PTPRK: variants seen among roughly 807,000 people sequenced by gnomAD.
PTPRK encodes receptor-type tyrosine-protein phosphatase kappa.
In PTPRK, 75 loss-of-function variants were observed where a neutral mutation model predicts 178.0. The ratio of observed to expected loss-of-function variants is 0.42; its 90% CI spans 0.35 to 0.51. The LOEUF is 0.51. Among genes scored for constraint, PTPRK ranks in the 20% least tolerant of loss-of-function variants. The pLI is 0.02. For missense variants in PTPRK, 1,441 were observed against 1,797.8 expected (o/e 0.80, Z 3.59); for synonymous variants, 637 against 620.6 (o/e 1.03, Z -0.39).
In PTPRK at chr6:128,316,113, T is replaced by C. The variant is rs563344794; in HGVS notation, c.495+5926A>G. ...CATCATTAAACTGATTAGACGGAAATGGTTCTCACATTTATCTGCCTGATC... is the reference window on the plus strand; with the variant it reads ...CATCATTAAACTGATTAGACGGAAACGGTTCTCACATTTATCTGCCTGATC... On this transcript the variant is annotated intron_variant, in intron 3 of 29. Transcript: ENST00000368226. 3.3e-5 allele frequency among the ~76,000 whole-genome samples: 5 copies of C among 152,354 alleles called. No individual in the cohort carries two copies. In the South Asian group the frequency reaches 1.0e-3, roughly 32 times the overall value.
At chr6:128,380,577 T>C (rs936815466) in intron 2 of PTPRK, among the ~76,000 whole-genome samples, 1 of 151,408 alleles carries the variant, frequency 6.6e-6, no homozygotes, top group Admixed American at 6.6e-5. Flanking sequence ...TGTGTGTGTA[T>C]GCAATATTAC....
At chr6:128,412,307 T>G (rs894380631) in intron 1 of PTPRK, among the ~76,000 whole-genome samples, 3 of 152,222 alleles carry the variant, frequency 2.0e-5, no homozygotes, top group Non-Finnish European at 4.4e-5. Context: ...GGGGGGTACA[T>G]TAATATGAAA....
chr6:128,292,360 A>G (rs1263555434), intron 3 of PTPRK, among the ~76,000 whole-genome samples: 1 of 152,080 alleles, frequency 6.6e-6, no homozygotes, highest in Non-Finnish European at 1.5e-5. Flanking sequence ...CATTTTTTAA[A>G]AAGACTTTGA....
chr6:128,168,574 A>G (rs1184853693), intron 7 of PTPRK, among the ~76,000 whole-genome samples: 1 of 152,056 alleles, frequency 6.6e-6, no homozygotes, highest in African/African-American at 2.4e-5. Context: ...CTCCTGCCAT[A>G]TAAGTGGCGG....
intron 1 of PTPRK, among the ~76,000 whole-genome samples, chr6:128,436,474 ACTTTT>A (rs1351994992): frequency 2.6e-5 from 4 of 152,282 alleles, no homozygotes; most frequent in Admixed American, 1.3e-4. Context: ...CTCTAAAACG[ACTTTT>A]CTTTTCCATG....
chr6:128,284,314 T>C (rs1228091446), intron 3 of PTPRK, among the ~76,000 whole-genome samples: 1 of 152,220 alleles, frequency 6.6e-6, no homozygotes, highest in Non-Finnish European at 1.5e-5. Context: ...CCACATTATG[T>C]AGATTTGATT....
At chr6:128,054,459 GA>G (rs1180698857) in intron 13 of PTPRK, among the ~76,000 whole-genome samples, 1 of 151,986 alleles carries the variant, frequency 6.6e-6, no homozygotes, top group South Asian at 2.1e-4. Flanking sequence ...TGTTAGTTCT[GA>G]AAATTAATAA....
chr6:128,487,830 G>A (rs1220756070), intron 1 of PTPRK, among the ~76,000 whole-genome samples: 4 of 152,046 alleles, frequency 2.6e-5, no homozygotes, highest in African/African-American at 4.8e-5. Flanking sequence ...TAATAGGAGC[G>A]GTCAGATGAG....
intron 3 of PTPRK, among the ~76,000 whole-genome samples, chr6:128,305,341 A>T (rs768749011): frequency 2.0e-5 from 3 of 152,186 alleles, no homozygotes; most frequent in Non-Finnish European, 4.4e-5. Context: ...AGCTTAGAGG[A>T]TTTAAAGTTT....
chr6:128,268,100 G>A (rs565619713), intron 3 of PTPRK, among the ~76,000 whole-genome samples: 1 of 152,020 alleles, frequency 6.6e-6, no homozygotes, highest in South Asian at 2.1e-4. Flanking sequence ...GGATAGTGGC[G>A]GTGGGGAAGG....
intron 2 of PTPRK, among the ~76,000 whole-genome samples, chr6:128,346,770 C>T (rs1484790761): frequency 2.0e-5 from 3 of 152,074 alleles, no homozygotes; most frequent in Non-Finnish European, 4.4e-5. Context: ...AGAGATAATA[C>T]AGCCTGCCTC....
intron 7 of PTPRK, among the ~76,000 whole-genome samples, chr6:128,181,425 A>G (rs1404475117): frequency 6.6e-6 from 1 of 152,068 alleles, no homozygotes; most frequent in Non-Finnish European, 1.5e-5. Context: ...CAATCAGATT[A>G]TATTAATGGC....
intron 13 of PTPRK, among the ~76,000 whole-genome samples, chr6:128,052,306 T>C (rs777097761): frequency 5.3e-5 from 8 of 152,166 alleles, no homozygotes; most frequent in African/African-American, 9.7e-5. Flanking sequence ...CGTTCAAACT[T>C]AAGAAAATTA....
intron 2 of PTPRK, among the ~76,000 whole-genome samples, chr6:128,354,264 G>C (rs1833655538): frequency 1.0e-4 from 1 of 9,944 alleles, no homozygotes; most frequent in Non-Finnish European, 2.9e-4. Context: ...TTGAGACTGA[G>C]TCTCACTCTG....
At chr6:128,197,962 A>G (rs1029032999) in intron 6 of PTPRK, among the ~76,000 whole-genome samples, 2 of 152,030 alleles carry the variant, frequency 1.3e-5, no homozygotes, top group Non-Finnish European at 2.9e-5. Flanking sequence ...ACCATTTCCA[A>G]TTTTCAATTA....
intron 1 of PTPRK, among the ~76,000 whole-genome samples, chr6:128,443,819 G>A (rs1191976416): frequency 6.6e-6 from 1 of 152,054 alleles, no homozygotes; most frequent in Non-Finnish European, 1.5e-5. Flanking sequence ...GAAAGTTTCC[G>A]GGGCTTGACA....
At chr6:128,357,445 C>T (rs1834109036) in intron 2 of PTPRK, among the ~76,000 whole-genome samples, 1 of 152,146 alleles carries the variant, frequency 6.6e-6, no homozygotes, top group South Asian at 2.1e-4. Flanking sequence ...ATAGTCACTT[C>T]CCTGAGAGGG....
intron 13 of PTPRK, among the ~76,000 whole-genome samples, chr6:128,060,748 T>G (rs1282723016): frequency 6.6e-6 from 1 of 152,192 alleles, no homozygotes; most frequent in Non-Finnish European, 1.5e-5. Flanking sequence ...TAGATTATAT[T>G]TTTAACTGAC....
At chr6:128,186,480 T>C (rs1802783608) in intron 6 of PTPRK, among the ~76,000 whole-genome samples, 1 of 152,088 alleles carries the variant, frequency 6.6e-6, no homozygotes, top group South Asian at 2.1e-4. Context: ...TATAGAAAAG[T>C]GGTTAACATA....
Sources: gnomAD v4.1 joint callset for allele counts (sites outside exome capture counted in the v4.1 genomes callset) on GRCh38, gnomAD v4.1.1 for gene constraint, MANE v1.5 for transcripts, NCBI Gene and HGNC (gene_info 2026-07-23, HGNC 2026-07-21) for gene names.